The following FMN1 variants were observed in gnomAD, a reference collection of about 807,000 sequenced individuals.
FMN1 encodes the protein formin-1.
Under a neutral mutation model 132.4 loss-of-function variants are expected in FMN1, and 110 were observed. The observed-to-expected ratio is 0.83, with a 90% confidence interval of 0.71 to 0.97. FMN1 has a LOEUF of 0.97. Among genes scored for constraint, FMN1 ranks in the 50% least tolerant of loss-of-function variants. The probability of loss-of-function intolerance (pLI) is 0.00; values close to 1 mark genes in which losing one functional copy is unlikely to be tolerated. For missense variants in FMN1, 1,792 were observed against 1,705.3 expected, an observed-to-expected ratio of 1.05 and a Z score of -0.90; for synonymous variants, 722 against 651.7, an observed-to-expected ratio of 1.11 and a Z score of -1.64.
intron 17 of FMN1, among the ~76,000 whole-genome samples, chr15:32,838,328 G>A (rs1045407630): frequency 2.0e-4 from 31 of 152,284 alleles, no homozygotes; most frequent in African/African-American, 7.0e-4. Context: ...AAGAGCAAAG[G>A]AAACACAGGG....
chr15:33,047,634 T>G (rs572840709), intron 6 of FMN1, among the ~76,000 whole-genome samples: 1 of 152,300 alleles, frequency 6.6e-6, no homozygotes, highest in African/African-American at 2.4e-5. Flanking sequence ...CGGTTTTGCA[T>G]GGTGTTAGCT....
chr15:32,903,195 A>T (rs930844038), intron 12 of FMN1, among the ~76,000 whole-genome samples: 9 of 152,340 alleles, frequency 5.9e-5, no homozygotes, highest in African/African-American at 2.2e-4. Flanking sequence ...CATTTAATGA[A>T]AGCAAGGAAT....
intron 7 of FMN1, among the ~76,000 whole-genome samples, chr15:33,003,573 T>C (rs2034238387): frequency 6.6e-6 from 1 of 152,144 alleles, no homozygotes; most frequent in Non-Finnish European, 1.5e-5. Flanking sequence ...AAGAACATTC[T>C]ATGCTCATGG....
At chr15:33,164,231 T>C (rs1965009277) in intron 3 of FMN1, among the ~76,000 whole-genome samples, 1 of 152,348 alleles carries the variant, frequency 6.6e-6, no homozygotes, top group Admixed American at 6.5e-5. Context: ...TGATTTTCTT[T>C]GCATTCTAAC....
chr15:33,083,809 C>CA (rs977943594), intron 5 of FMN1, among the ~76,000 whole-genome samples: 16 of 152,152 alleles, frequency 1.1e-4, no homozygotes, highest in African/African-American at 3.9e-4. Flanking sequence ...ATACAGGTCA[C>CA]AAAGACCCTG....
At chr15:33,084,262 G>C (rs1431820648) in intron 5 of FMN1, among the ~76,000 whole-genome samples, 3 of 152,158 alleles carry the variant, frequency 2.0e-5, no homozygotes, top group African/African-American at 2.4e-5. Context: ...ACCCTTTCTT[G>C]GGGTCTGGAT....
Position 32,903,280 on chromosome 15 carries a change from A to G in FMN1, c.3378-1240T>C, listed in dbSNP as rs373371938. ...TATGAAAATTATCTGATGAAGTATA[A>G]AAGTAGAAATTCATAGGAATTCTGC... On this transcript the variant is annotated intron_variant, in intron 12 of 20. Transcript: ENST00000616417. 1.0e-4 allele frequency among the ~76,000 whole-genome samples: 16 copies of G among 152,384 alleles called. 1 individual carries two copies. Among genetic ancestry groups the G allele is most frequent in the African/African-American group, 3.8e-4 (16 of 41,592 alleles).
chr15:33,124,648 G>A (rs1323028392), intron 4 of FMN1, among the ~76,000 whole-genome samples: 1 of 152,062 alleles, frequency 6.6e-6, no homozygotes, highest in Non-Finnish European at 1.5e-5. Context: ...AATAATCTGT[G>A]TTCTTTTCAA....
In FMN1 at chr15:32,968,850, G is replaced by A; in HGVS notation, c.2851C>T (p.Leu951Phe). ...GPPPAPPPPG[L>F]APPPPPGLFF... Reference sequence around the variant, plus strand: ...AGTCCAGGGGGAGGTGGGGGTGCAAGTCCTGGGGGTGGTGGAGCAGGAGGA... The same window carrying A: ...AGTCCAGGGGGAGGTGGGGGTGCAAATCCTGGGGGTGGTGGAGCAGGAGGA... The change falls in exon 8 of 21, where the codon CTT becomes TTT. Residue 951 changes from leucine to phenylalanine, a missense_variant. Physicochemically the swap from Leu to Phe is conservative, Grantham distance 22. Coordinates refer to ENST00000616417, the MANE Select transcript of FMN1 (RefSeq NM_001277313.2). 1 of 1,564,118 alleles carries A rather than the reference G, an allele frequency of 6.4e-7. No homozygotes were observed. The highest frequency in any genetic ancestry group is 2.2e-5 in the East Asian group (1 of 44,468).
intron 3 of FMN1, among the ~76,000 whole-genome samples, chr15:33,173,410 G>C (rs941990501): frequency 1.3e-5 from 2 of 152,228 alleles, no homozygotes; most frequent in African/African-American, 4.8e-5. Flanking sequence ...AAGCAGTGCT[G>C]CTTCAGGGCC....
At chr15:32,965,949 G>A (rs1169615452) in intron 8 of FMN1, among the ~76,000 whole-genome samples, 2 of 152,134 alleles carry the variant, frequency 1.3e-5, no homozygotes, top group Non-Finnish European at 2.9e-5. Context: ...TAAGCACCAC[G>A]GATGTTAAGT....
At chr15:33,101,964 A>G (rs912421945) in intron 4 of FMN1, among the ~76,000 whole-genome samples, 1 of 152,112 alleles carries the variant, frequency 6.6e-6, no homozygotes, top group African/African-American at 2.4e-5. Context: ...GACTGACTGT[A>G]TACCAGTATC....
At chr15:32,885,041 A>C (rs1290037859) in intron 16 of FMN1, among the ~76,000 whole-genome samples, 4 of 152,198 alleles carry the variant, frequency 2.6e-5, no homozygotes, top group Non-Finnish European at 5.9e-5. Context: ...CCCATTTTAC[A>C]GGTGAGAAAG....
chr15:33,056,477 A>G (rs1015972794), intron 6 of FMN1, among the ~76,000 whole-genome samples: 1 of 152,216 alleles, frequency 6.6e-6, no homozygotes, highest in African/African-American at 2.4e-5. Flanking sequence ...GTTACAGCTC[A>G]GTGTTTCCCT....
At chr15:32,973,106 CAAG>C (rs1246258407) in intron 7 of FMN1, among the ~76,000 whole-genome samples, 1 of 152,042 alleles carries the variant, frequency 6.6e-6, no homozygotes, top group Non-Finnish European at 1.5e-5. Flanking sequence ...ACTTTGGTTC[CAAG>C]AAGATTTTGA....
At chr15:33,045,918 C>CA (rs1178239495) in intron 6 of FMN1, among the ~76,000 whole-genome samples, 1 of 152,150 alleles carries the variant, frequency 6.6e-6, no homozygotes, top group African/African-American at 2.4e-5. Context: ...CTTGGCATCC[C>CA]AAAGTGCTGG....
At chr15:33,126,206 C>T (rs547360976) in intron 4 of FMN1, among the ~76,000 whole-genome samples, 112 of 150,550 alleles carry the variant, frequency 7.4e-4, no homozygotes, top group Middle Eastern at 3.4e-3. Context: ...TTATTAAGCA[C>T]CACCTAAAGA....
chr15:33,067,370 ACAC>A (rs773931801), intron 5 of FMN1: 7 of 1,613,832 alleles, frequency 4.3e-6, no homozygotes, highest in Admixed American at 3.3e-5. Flanking sequence ...CTCAGATAAA[ACAC>A]CACTAGGGGA....
intron 17 of FMN1, among the ~76,000 whole-genome samples, chr15:32,812,271 A>C (rs1461140813): frequency 6.6e-6 from 1 of 152,196 alleles, no homozygotes; most frequent in South Asian, 2.1e-4. Context: ...ACATAGTTGA[A>C]AATGTGAGTC....
Sources: gnomAD v4.1 joint callset for allele counts (sites outside exome capture counted in the v4.1 genomes callset) on GRCh38, gnomAD v4.1.1 for gene constraint, MANE v1.5 for transcripts, NCBI Gene and HGNC (gene_info 2026-07-23, HGNC 2026-07-21) for gene names.